The following DOCK1 variants were observed in gnomAD, a reference collection of about 807,000 sequenced individuals.
DOCK1 encodes dedicator of cytokinesis 1.
DOCK1 carries 138 observed loss-of-function variants against 262.7 expected under a neutral mutation model. The ratio of observed to expected loss-of-function variants is 0.53; its 90% confidence interval spans 0.46 to 0.61. The LOEUF (loss-of-function observed/expected upper bound fraction) is 0.61, where lower values mean the gene tolerates loss of function less well. DOCK1 is among the 20% of genes least tolerant of loss of function. The pLI is 0.00. For synonymous variants in DOCK1, 866 were observed against 867.4 expected, an observed-to-expected ratio of 1.00 and a Z score of 0.03; for missense variants, 1,908 against 2,370.7, an observed-to-expected ratio of 0.80 and a Z score of 4.05.
At chr10:127,208,155 A>G (rs912860812) in intron 27 of DOCK1, among the ~76,000 whole-genome samples, 1 of 152,226 alleles carries the variant, frequency 6.6e-6, no homozygotes, top group Non-Finnish European at 1.5e-5. Context: ...TGGGAATAGT[A>G]ATGTCTTTGT....
At chr10:127,440,393 G>A (rs1023674697) in intron 49 of DOCK1, among the ~76,000 whole-genome samples, 5 of 152,080 alleles carry the variant, frequency 3.3e-5, no homozygotes, top group Non-Finnish European at 5.9e-5. Flanking sequence ...GCGAAGATGA[G>A]GCACAGCCCA....
At chr10:127,280,120 C>A (rs1312798164) in intron 29 of DOCK1, among the ~76,000 whole-genome samples, 1 of 149,252 alleles carries the variant, frequency 6.7e-6, no homozygotes, top group Admixed American at 6.7e-5. Context: ...CTGCAAGCTC[C>A]GCCTCCCGGG....
intron 27 of DOCK1, among the ~76,000 whole-genome samples, chr10:127,219,693 T>A (rs1249865469): frequency 6.6e-6 from 1 of 152,088 alleles, no homozygotes; most frequent in Non-Finnish European, 1.5e-5. Flanking sequence ...TCTCTATGAG[T>A]TTGGTTACTC....
intron 21 of DOCK1, among the ~76,000 whole-genome samples, chr10:127,047,280 C>A (rs1421462448): frequency 1.3e-5 from 2 of 152,220 alleles, no homozygotes; most frequent in East Asian, 1.9e-4. Context: ...CTCACTACTG[C>A]CTCTATCATT....
chr10:127,171,143 G>A (rs1026748785), intron 27 of DOCK1, among the ~76,000 whole-genome samples: 1 of 152,112 alleles, frequency 6.6e-6, no homozygotes, highest in Non-Finnish European at 1.5e-5. Context: ...AGGTTAACCT[G>A]TCTCAGCCAT....
At chr10:127,422,155 TGTC>T (rs377187495) in intron 46 of DOCK1, among the ~76,000 whole-genome samples, 3 of 140,988 alleles carry the variant, frequency 2.1e-5, no homozygotes, top group Non-Finnish European at 4.5e-5. Context: ...TTATTTTGTT[TGTC>T]TTTTTTTTTT....
Position 126,998,136 on chromosome 10 carries a change from T to G in DOCK1, c.654T>G (p.Ala218=). ...NIDINRQAKF[A]ATPSLALFVN... Reference sequence around the variant, plus strand: ...ATATTAACAGACAAGCCAAGTTTGCTGCAACCCCTTCTCTGGCCTTGTTTG... The same window carrying G: ...ATATTAACAGACAAGCCAAGTTTGCGGCAACCCCTTCTCTGGCCTTGTTTG... Residue 218 remains alanine, a synonymous_variant, in exon 8 of 52, where the codon GCT becomes GCG. Transcript: ENST00000623213. 6.2e-7 allele frequency: 1 copy of G among 1,614,062 alleles called. No homozygotes were observed. Among genetic ancestry groups the G allele is most frequent in the South Asian group, 1.1e-5 (1 of 91,084 alleles).
rs751731024 is a variant in DOCK1, at chr10:126,996,735, CTTG to C, written c.474-7_474-5del. 16 of 1,600,438 alleles carry C rather than the reference CTTG, an allele frequency of 1.0e-5. No homozygotes were observed. The highest frequency in any genetic ancestry group is 5.3e-5 in the Admixed American group (3 of 56,782). Reference sequence around the variant, plus strand: ...TCTATGTCTGTGAACTTACTAAATTCTTGTTGTTCTAGAATTCTAGATTTGGAC... The same window carrying C: ...TCTATGTCTGTGAACTTACTAAATTCTTGTTCTAGAATTCTAGATTTGGAC... On this transcript the variant is annotated splice_polypyrimidine_tract_variant and intron_variant, in intron 6 of 51. Coordinates refer to ENST00000623213, the MANE Select transcript of DOCK1 (RefSeq NM_001290223.2).
In DOCK1 at chr10:127,110,240, C is replaced by T. The variant is rs1218899774; in HGVS notation, c.2517-8C>T. On this transcript the variant is annotated splice_polypyrimidine_tract_variant and splice_region_variant and intron_variant, in intron 24 of 51. Coordinates refer to ENST00000623213, the MANE Select transcript of DOCK1 (RefSeq NM_001290223.2). ...TCAAAATTATTTCCCTTGTGTTTTT[C>T]CTCACAGCAAAATGTTTACTGAATT... 5.6e-6 allele frequency: 9 copies of T among 1,608,506 alleles called. No homozygotes were observed. Among genetic ancestry groups the T allele is most frequent in the Non-Finnish European group, 7.6e-6 (9 of 1,176,834 alleles).
chr10:127,233,674 CA>C (rs1200845182), intron 27 of DOCK1, among the ~76,000 whole-genome samples: 2 of 152,200 alleles, frequency 1.3e-5, no homozygotes, highest in Non-Finnish European at 2.9e-5. Flanking sequence ...GCTTCTAGAA[CA>C]ATGTCCAAAA....
At chr10:127,076,240 G>A (rs1196967375) in intron 23 of DOCK1, among the ~76,000 whole-genome samples, 9 of 152,228 alleles carry the variant, frequency 5.9e-5, no homozygotes, top group Admixed American at 1.3e-4. Flanking sequence ...GGTGGCTCGT[G>A]CCTGTAATCC....
intron 23 of DOCK1, among the ~76,000 whole-genome samples, chr10:127,103,567 C>A (rs948244617): frequency 1.1e-4 from 17 of 152,094 alleles, no homozygotes; most frequent in African/African-American, 3.6e-4. Flanking sequence ...CTGAGAAACA[C>A]CTTAAGCAAT....
At chr10:127,380,929 A>T (rs1312858375) in intron 36 of DOCK1, among the ~76,000 whole-genome samples, 1 of 152,142 alleles carries the variant, frequency 6.6e-6, no homozygotes, top group Non-Finnish European at 1.5e-5. Flanking sequence ...GGAGCTCTTT[A>T]TTCTGATGGA....
chr10:127,055,655 A>G (rs1163811255), intron 22 of DOCK1, among the ~76,000 whole-genome samples: 1 of 152,172 alleles, frequency 6.6e-6, no homozygotes, highest in African/African-American at 2.4e-5. Flanking sequence ...TCCCTAACTC[A>G]TTCTGGGTTA....
At chr10:127,326,088 A>G (rs1457665511) in intron 29 of DOCK1, among the ~76,000 whole-genome samples, 1 of 152,240 alleles carries the variant, frequency 6.6e-6, no homozygotes, top group Non-Finnish European at 1.5e-5. Context: ...CAGCAAATCT[A>G]AATCTTTCTG....
In DOCK1 at chr10:127,000,271, C is replaced by T. The variant is rs1485306987; in HGVS notation, c.949C>T (p.Leu317=). Residue 317 remains leucine, a synonymous_variant, in exon 10 of 52, where the codon CTG becomes TTG. Transcript: ENST00000623213. ...GCTGAGGGACAACAACACCAGGAAA[C>T]TGACCTCGGGGTTGCGGCGACCTTT... ...MELRDNNTRK[L]TSGLRRPFGV... 6.2e-7 allele frequency: 1 copy of T among 1,613,924 alleles called. No individual in the cohort carries two copies. Among genetic ancestry groups the T allele is most frequent in the Non-Finnish European group, 8.5e-7 (1 of 1,179,900 alleles).
At chr10:126,919,572 G>A (rs1393003298) in intron 1 of DOCK1, among the ~76,000 whole-genome samples, 1 of 152,160 alleles carries the variant, frequency 6.6e-6, no homozygotes, top group Non-Finnish European at 1.5e-5. Flanking sequence ...TGTGCAGGAG[G>A]CCTGAGACTT....
chr10:127,022,100 C>G (rs962904774), intron 13 of DOCK1, among the ~76,000 whole-genome samples: 2 of 152,114 alleles, frequency 1.3e-5, no homozygotes, highest in African/African-American at 4.8e-5. Context: ...CCTATGTTCT[C>G]AGTAGGAAGA....
intron 29 of DOCK1, among the ~76,000 whole-genome samples, chr10:127,317,131 A>G (rs906295494): frequency 6.6e-6 from 1 of 152,180 alleles, no homozygotes; most frequent in Non-Finnish European, 1.5e-5. Flanking sequence ...TATTTCAGAC[A>G]TTTCAGTAAT....
Sources: allele counts gnomAD v4.1 joint callset (sites outside exome capture counted in the v4.1 genomes callset), GRCh38; gene constraint gnomAD v4.1.1; transcripts MANE v1.5; gene names NCBI Gene and HGNC (gene_info 2026-07-23, HGNC 2026-07-21).